Variants in C6orf89 observed in about 807,000 individuals in gnomAD.
C6orf89 encodes the protein bombesin receptor-activated protein C6orf89.
Under a neutral mutation model 40.7 loss-of-function variants are expected in C6orf89, and 29 were observed. That is an observed-to-expected ratio of 0.71 (90% CI 0.53 to 0.97). C6orf89 has a LOEUF of 0.97. Among genes scored for constraint, C6orf89 ranks in the 50% least tolerant of loss-of-function variants. C6orf89 has a pLI of 0.00. For synonymous variants in C6orf89, 165 were observed against 152.2 expected (o/e 1.08, Z -0.62); for missense variants, 392 against 429.1 (o/e 0.91, Z 0.76).
At chr6:36,909,867 A>G (rs1001062853) in intron 4 of C6orf89, among the ~76,000 whole-genome samples, 3 of 152,154 alleles carry the variant, frequency 2.0e-5, no homozygotes, top group African/African-American at 7.2e-5. Context: ...GTATATGCAA[A>G]TATTGGTCAA....
rs1329111714 is a variant in C6orf89, at chr6:36,926,095, C to T, written c.*2654C>T. On this transcript the variant is annotated 3_prime_UTR_variant, in exon 9 of 9. Coordinates refer to ENST00000480824, the MANE Select transcript of C6orf89 (RefSeq NM_001286635.2). ...GTCAGCTCTCTGAGGAGACAGGCTA[C>T]TTTGGCCCCAGTTTGAAGCATTCTG... 6.6e-6 allele frequency: 1 copy of T among 152,284 alleles called. No individual in the cohort carries two copies. Among genetic ancestry groups the T allele is most frequent in the Non-Finnish European group, 1.5e-5 (1 of 68,070 alleles). The allele number at this position is 152,284 out of a possible 1,614,324, so 9.4% of individuals were successfully genotyped here. A position where few individuals can be genotyped will look rare whatever the true frequency, so the allele number is the denominator to read the frequency against.
At chr6:36,886,116 C>A in intron 1 of C6orf89, 88 bp downstream of exon 1, 1 of 1,123,074 alleles carries the variant, frequency 8.9e-7, no homozygotes, top group Non-Finnish European at 1.1e-6. Context: ...CGCGCAGCCG[C>A]TTCTCGCCGC....
intron 8 of C6orf89, among the ~76,000 whole-genome samples, 187 bp downstream of exon 8, chr6:36,919,888 A>T (rs1201267235): frequency 5.9e-5 from 9 of 152,258 alleles, no homozygotes; most frequent in African/African-American, 1.7e-4. Context: ...ACATAGCAGA[A>T]AGAAATGGCT....
chr6:36,881,589 G>A (rs192628955), upstream of C6orf89, among the ~76,000 whole-genome samples: 91 of 152,298 alleles, frequency 6.0e-4, 1 homozygote, highest in Middle Eastern at 0.01. Flanking sequence ...CAGGAGAATC[G>A]CTTGAACCTG....
chr6:36,897,455 A>G (rs1008570938), intron 2 of C6orf89, among the ~76,000 whole-genome samples: 2 of 152,262 alleles, frequency 1.3e-5, no homozygotes, highest in Non-Finnish European at 2.9e-5. Context: ...GTGTATCCAC[A>G]TAGTTCAAAC....
chr6:36,899,189 AC>A (rs1761565533), intron 2 of C6orf89, among the ~76,000 whole-genome samples: 1 of 152,144 alleles, frequency 6.6e-6, no homozygotes, highest in Admixed American at 6.5e-5. Flanking sequence ...TAGTTTGGGA[AC>A]TAGTGCAGGT....
chr6:36,909,131 T>C (rs1371236729), intron 4 of C6orf89, among the ~76,000 whole-genome samples: 1 of 151,960 alleles, frequency 6.6e-6, no homozygotes, highest in East Asian at 1.9e-4. Context: ...TTTATATTAG[T>C]TGATTCTGTG....
intron 2 of C6orf89, among the ~76,000 whole-genome samples, chr6:36,897,502 C>T (rs1390202145): frequency 6.6e-6 from 1 of 152,182 alleles, no homozygotes; most frequent in Non-Finnish European, 1.5e-5. Context: ...TTTGTACTGT[C>T]TTTTTATCTG....
intron 2 of C6orf89, among the ~76,000 whole-genome samples, chr6:36,895,819 A>G (rs1413214582): frequency 2.0e-5 from 3 of 152,224 alleles, no homozygotes; most frequent in African/African-American, 7.2e-5. Flanking sequence ...ATTTGTGCAC[A>G]AGTTTTTGTG....
intron 4 of C6orf89, 44 bp downstream of exon 4, chr6:36,902,478 C>T: frequency 6.4e-7 from 1 of 1,562,404 alleles, no homozygotes; most frequent in African/African-American, 1.4e-5. Context: ...GTTTTCTTGA[C>T]AGTATATGAT....
Position 36,917,658 on chromosome 6 carries a change from G to A in C6orf89, c.825+1084G>A, listed in dbSNP as rs1762373425. 2.0e-5 allele frequency among the ~76,000 whole-genome samples: 3 copies of A among 152,274 alleles called. No homozygotes were observed. The South Asian group carries it at 6.2e-4, about 32-fold the overall frequency. On this transcript the variant is annotated intron_variant, in intron 7 of 8. Coordinates refer to ENST00000480824, the MANE Select transcript of C6orf89 (RefSeq NM_001286635.2). The stretch of plus-strand genomic sequence containing the variant: ...AAAAGCCTATAAAAACAATCATTTT[G>A]TCTAGAAGTAAGAAGTTCTGTCTGC...
Position 36,901,318 on chromosome 6 carries a change from A to ATTT in C6orf89, c.190-901_190-900insTTT, listed in dbSNP as rs1408790414. On this transcript the variant is annotated intron_variant, in intron 3 of 8. Transcript: ENST00000480824. The stretch of plus-strand genomic sequence containing the variant: ...TATTATTATTATTATTATTATTATT[A>ATTT]TTATTTTTTTTTTTTTTTTTTTTTT... 2.3e-3 allele frequency among the ~76,000 whole-genome samples: 152 copies of ATTT among 64,826 alleles called. 1 individual carries two copies. Among genetic ancestry groups the ATTT allele is most frequent in the Non-Finnish European group, 3.1e-3 (104 of 33,216 alleles). 42.5% of individuals were successfully genotyped at this position (64,826 alleles called of 152,430 possible). A position where few individuals can be genotyped will look rare whatever the true frequency, so the allele number is the denominator to read the frequency against.
At chr6:36,919,536 T>C in intron 7 of C6orf89, 42 bp from the exon 8 acceptor site, 1 of 1,590,630 alleles carries the variant, frequency 6.3e-7, no homozygotes, top group Non-Finnish European at 8.6e-7. Context: ...TATTTCGTTT[T>C]CTTTGCCTTC....
intron 3 of C6orf89, among the ~76,000 whole-genome samples, chr6:36,900,223 A>T (rs1761618396): frequency 7.3e-6 from 1 of 137,430 alleles, no homozygotes; most frequent in Non-Finnish European, 1.5e-5. Context: ...TTTTTTTGAG[A>T]TGGAGTCACA....
At chr6:36,902,563 A>G (rs955667145) in intron 4 of C6orf89, 129 bp downstream of exon 4, 2 of 775,224 alleles carry the variant, frequency 2.6e-6, no homozygotes. Context: ...TTCAGTCCCC[A>G]CTAAAACTCT....
intron 4 of C6orf89, among the ~76,000 whole-genome samples, chr6:36,904,366 T>G (rs1761847422): frequency 6.6e-6 from 1 of 152,192 alleles, no homozygotes; most frequent in Admixed American, 6.5e-5. Flanking sequence ...TGGAGCTCAG[T>G]TGTAGAGAGA....
chr6:36,885,738 G>A (rs973788511), upstream of C6orf89: 1 of 341,926 alleles, frequency 2.9e-6, no homozygotes, highest in Non-Finnish European at 5.3e-6. Flanking sequence ...GGAAGACAAG[G>A]ATTTAGGACT....
intron 4 of C6orf89, among the ~76,000 whole-genome samples, chr6:36,904,847 GA>G (rs774373660): frequency 1.3e-5 from 2 of 152,126 alleles, no homozygotes; most frequent in East Asian, 3.9e-4. Context: ...GGCACCTCGG[GA>G]ATGATGGAGG....
intron 4 of C6orf89, among the ~76,000 whole-genome samples, chr6:36,908,163 GTTCT>G (rs1761992275): frequency 6.6e-6 from 1 of 152,198 alleles, no homozygotes; most frequent in Non-Finnish European, 1.5e-5. Context: ...ATCAAAAGTA[GTTCT>G]TTCTTTTAAA....
Sources: allele counts gnomAD v4.1 joint callset (sites outside exome capture counted in the v4.1 genomes callset), GRCh38; gene constraint gnomAD v4.1.1; transcripts MANE v1.5; gene names NCBI Gene and HGNC (gene_info 2026-07-23, HGNC 2026-07-21).